The following HIPK3 variants were observed in gnomAD, a reference collection of about 807,000 sequenced individuals.
HIPK3 encodes the protein homeodomain interacting protein kinase 3.
A neutral mutation model predicts 124.2 loss-of-function variants in HIPK3; 47 were observed. The observed-to-expected ratio is 0.38, with a 90% CI of 0.30 to 0.48. The LOEUF is 0.48. Ranked by LOEUF, HIPK3 falls within the 20% of genes least tolerant of loss-of-function variation. The pLI, the probability that HIPK3 is intolerant of heterozygous loss-of-function variation, is 0.98. For synonymous variants in HIPK3, 482 were observed against 515.2 expected (o/e 0.94, Z 0.87); for missense variants, 1,286 against 1,454.3 (o/e 0.88, Z 1.88).
At chr11:33,327,746 A>G (rs139775594) in intron 2 of HIPK3, among the ~76,000 whole-genome samples, 6 of 152,350 alleles carry the variant, frequency 3.9e-5, no homozygotes, top group Admixed American at 3.3e-4. Context: ...ACACATGCAC[A>G]CTAATCTAGG....
At chr11:33,258,524 C>G in intron 1 of HIPK3, 2 of 985,492 alleles carry the variant, frequency 2.0e-6, no homozygotes, top group South Asian at 4.7e-5. Flanking sequence ...GCGTCCCCAG[C>G]GGCGGCGGGA....
intron 8 of HIPK3, among the ~76,000 whole-genome samples, chr11:33,343,031 A>G (rs1257654085): frequency 6.6e-6 from 1 of 152,148 alleles, no homozygotes; most frequent in Non-Finnish European, 1.5e-5. Flanking sequence ...CTAAACCAAC[A>G]TGTCCAACTT....
At chr11:33,301,483 G>A (rs1851997156) in intron 2 of HIPK3, among the ~76,000 whole-genome samples, 1 of 151,938 alleles carries the variant, frequency 6.6e-6, no homozygotes, top group Non-Finnish European at 1.5e-5. Flanking sequence ...AAATTAACAT[G>A]TTTCTAAAAA....
chr11:33,303,235 T>C (rs1054294225), intron 2 of HIPK3, among the ~76,000 whole-genome samples: 4 of 152,334 alleles, frequency 2.6e-5, no homozygotes, highest in African/African-American at 9.6e-5. Context: ...TATACTTTAA[T>C]CTCTAGATTA....
At position 33,307,129 on chromosome 11, in the gene HIPK3, G is replaced by A. The variant is rs1336648518; in HGVS notation, c.1097+19618G>A. Among the ~76,000 whole-genome samples, 6 of 151,890 alleles carry A rather than the reference G, an allele frequency of 4.0e-5. No individual in the cohort carries two copies. In the South Asian group the frequency reaches 8.3e-4, roughly 21 times the overall value. ...AATTTTTGTATTTTCAGTAGAAATG[G>A]GGTTTTGCCATGTTGGCCAGGCTGG... On this transcript the variant is annotated intron_variant, in intron 2 of 16. Transcript: ENST00000303296.
At chr11:33,321,996 T>A (rs1852676495) in intron 2 of HIPK3, among the ~76,000 whole-genome samples, 1 of 152,096 alleles carries the variant, frequency 6.6e-6, no homozygotes, top group South Asian at 2.1e-4. Context: ...CCCAACTTTT[T>A]ATTTTTATTA....
At chr11:33,320,992 A>C (rs1293338168) in intron 2 of HIPK3, among the ~76,000 whole-genome samples, 1 of 152,080 alleles carries the variant, frequency 6.6e-6, no homozygotes, top group East Asian at 1.9e-4. Flanking sequence ...CATGTAAGGG[A>C]GGTTAGTGCA....
Position 33,257,785 on chromosome 11 carries a change from G to C in HIPK3, c.-107G>C. The C allele has an allele frequency of 1.0e-6, 1 of 986,858 alleles. No homozygotes were observed. Among genetic ancestry groups the C allele is most frequent in the Non-Finnish European group, 1.2e-6 (1 of 831,048 alleles). 61.1% of individuals were successfully genotyped at this position (986,858 alleles called of 1,614,324 possible). ...GAGCCCGGGCTGGGTGGTGCCGCCT[G>C]CTGAAGCGCCTGGCTCCCGGTCCCC... is the stretch of plus-strand genomic sequence containing the variant. On this transcript the variant is annotated 5_prime_UTR_variant, in exon 1 of 17. Coordinates refer to ENST00000303296, the MANE Select transcript of HIPK3 (RefSeq NM_005734.5).
chr11:33,327,319 A>C (rs1852839664), intron 2 of HIPK3, among the ~76,000 whole-genome samples: 1 of 152,184 alleles, frequency 6.6e-6, no homozygotes, highest in Admixed American at 6.5e-5. Context: ...AATTATGAGG[A>C]AACATCAGAC....
At chr11:33,332,633 T>C (rs1274866912) in intron 3 of HIPK3, among the ~76,000 whole-genome samples, 20 of 152,216 alleles carry the variant, frequency 1.3e-4, no homozygotes, top group Non-Finnish European at 1.9e-4. Flanking sequence ...ATTTCAAGTC[T>C]TATGTAAGAA....
intron 2 of HIPK3, among the ~76,000 whole-genome samples, chr11:33,306,555 G>A (rs1037099454): frequency 7.2e-5 from 11 of 151,868 alleles, no homozygotes; most frequent in Admixed American, 5.9e-4. Flanking sequence ...TTATATTTCC[G>A]TATTTATTCA....
intron 2 of HIPK3, among the ~76,000 whole-genome samples, chr11:33,319,974 C>G (rs1031980944): frequency 2.0e-5 from 3 of 152,200 alleles, no homozygotes; most frequent in African/African-American, 7.2e-5. Flanking sequence ...AGTAATATGA[C>G]TGTTAAGCAG....
At chr11:33,269,276 CCTT>C (rs1311260920) in intron 1 of HIPK3, among the ~76,000 whole-genome samples, 1 of 152,074 alleles carries the variant, frequency 6.6e-6, no homozygotes, top group Non-Finnish European at 1.5e-5. Context: ...GTAGGTATGA[CCTT>C]CTCCCAGATT....
chr11:33,257,605 G>C lies in HIPK3; in HGVS notation c.-287G>C, dbSNP rs1428940549. ...CACTACCCCTCGCCCTAGCCAAGCC[G>C]TCCCCACCCCAAATCCCCGGGAAGG... On this transcript the variant is annotated 5_prime_UTR_variant, in exon 1 of 17. Transcript: ENST00000303296. The C allele has an allele frequency of 1.4e-5, 14 of 987,356 alleles. No homozygotes were observed. Among genetic ancestry groups the C allele is most frequent in the Non-Finnish European group, 1.7e-5 (14 of 831,174 alleles). The allele number at this position is 987,356 out of a possible 1,614,324, so 61.2% of individuals were successfully genotyped here.
In HIPK3 at chr11:33,273,086, C is replaced by T. The variant is rs898191411; in HGVS notation, c.-2-13327C>T. Among the ~76,000 whole-genome samples, 23 of 151,772 alleles carry T rather than the reference C, an allele frequency of 1.5e-4. No individual in the cohort carries two copies. The East Asian group carries it at 2.7e-3, about 18-fold the overall frequency. ...TGGGCTCAAATGATCCTCCTGCCTA[C>T]GCCTCCCTATTGTTTCCGACTTGAT... On this transcript the variant is annotated intron_variant, in intron 1 of 16. Transcript: ENST00000303296.
At chr11:33,331,115 T>A (rs535947236) in intron 3 of HIPK3, among the ~76,000 whole-genome samples, 32 of 152,126 alleles carry the variant, frequency 2.1e-4, no homozygotes, top group African/African-American at 7.5e-4. Context: ...ACTCCTGATC[T>A]CAAATGATCC....
chr11:33,309,155 T>C (rs1852251563), intron 2 of HIPK3, among the ~76,000 whole-genome samples: 1 of 152,206 alleles, frequency 6.6e-6, no homozygotes, highest in Non-Finnish European at 1.5e-5. Context: ...ATTTATTTTT[T>C]ATTTATTTGC....
intron 1 of HIPK3, among the ~76,000 whole-genome samples, chr11:33,284,732 C>T (rs1351516016): frequency 6.6e-6 from 1 of 152,188 alleles, no homozygotes. Flanking sequence ...CTTATTTTTA[C>T]ACTTGATCAT....
At chr11:33,332,691 T>A (rs189952260) in intron 3 of HIPK3, among the ~76,000 whole-genome samples, 42 of 152,332 alleles carry the variant, frequency 2.8e-4, no homozygotes, top group African/African-American at 9.1e-4. Flanking sequence ...TCTTTCAAGA[T>A]TTCTATTTTT....
Sources: allele counts gnomAD v4.1 joint callset (sites outside exome capture counted in the v4.1 genomes callset), GRCh38; gene constraint gnomAD v4.1.1; transcripts MANE v1.5; gene names NCBI Gene and HGNC (gene_info 2026-07-23, HGNC 2026-07-21).